Variants in CDH13 observed in about 807,000 individuals in gnomAD.
The protein encoded by CDH13 is cadherin 13.
A neutral mutation model predicts 63.8 loss-of-function variants in CDH13; 24 were observed. The ratio of observed to expected loss-of-function variants is 0.38; its 90% CI spans 0.27 to 0.53. CDH13 has a LOEUF of 0.53. Ranked by LOEUF, CDH13 falls within the 20% of genes least tolerant of loss-of-function variation. The probability of loss-of-function intolerance (pLI) is 0.85; values close to 1 mark genes in which losing one functional copy is unlikely to be tolerated. For synonymous variants in CDH13, 503 were observed against 355.3 expected, an observed-to-expected ratio of 1.42 and a Z score of -4.67; for missense variants, 1,049 against 903.1, an observed-to-expected ratio of 1.16 and a Z score of -2.07.
chr16:83,391,645 G>A (rs796577661), intron 6 of CDH13, among the ~76,000 whole-genome samples: 7 of 152,320 alleles, frequency 4.6e-5, no homozygotes, highest in African/African-American at 1.7e-4. Context: ...GGTCCCGCCA[G>A]AGTATCCTCA....
chr16:83,494,495 C>T (rs932671040), intron 7 of CDH13, among the ~76,000 whole-genome samples: 1 of 152,110 alleles, frequency 6.6e-6, no homozygotes, highest in African/African-American at 2.4e-5. Flanking sequence ...TGATTTCAAA[C>T]CAGCAGAGAA....
chr16:83,698,995 G>T (rs1208883517), intron 10 of CDH13, among the ~76,000 whole-genome samples: 1 of 152,236 alleles, frequency 6.6e-6, no homozygotes, highest in Non-Finnish European at 1.5e-5. Context: ...CAGCATTATG[G>T]TATCTTCATT....
chr16:83,423,493 TAA>T (rs35646257), intron 6 of CDH13, among the ~76,000 whole-genome samples: 1 of 146,414 alleles, frequency 6.8e-6, no homozygotes. Flanking sequence ...TGACAGCATT[TAA>T]AAAAAAAAAG....
intron 1 of CDH13, among the ~76,000 whole-genome samples, chr16:82,658,959 A>T (rs1244463197): frequency 6.6e-6 from 1 of 152,194 alleles, no homozygotes; most frequent in Non-Finnish European, 1.5e-5. Flanking sequence ...TTGTGAGCAT[A>T]GTTCCTAAAG....
intron 1 of CDH13, among the ~76,000 whole-genome samples, chr16:82,715,456 G>C (rs16958337): frequency 0.26 from 39,611 of 151,948 alleles, 5,279 homozygotes; most frequent in East Asian, 0.28. Context: ...TTGATCTTGA[G>C]ACCAGAGCTA....
chr16:82,796,464 T>G (rs2036586728), intron 1 of CDH13, among the ~76,000 whole-genome samples: 1 of 152,230 alleles, frequency 6.6e-6, no homozygotes, highest in Non-Finnish European at 1.5e-5. Flanking sequence ...CTAGGAGCTG[T>G]GATTTCAACA....
At chr16:82,836,806 C>T (rs929100055) in intron 1 of CDH13, among the ~76,000 whole-genome samples, 2 of 151,972 alleles carry the variant, frequency 1.3e-5, no homozygotes, top group Non-Finnish European at 2.9e-5. Flanking sequence ...TACCCATAGT[C>T]ATTCTAATCT....
chr16:83,192,067 G>T (rs1045245854), intron 4 of CDH13, among the ~76,000 whole-genome samples: 1 of 152,138 alleles, frequency 6.6e-6, no homozygotes, highest in Non-Finnish European at 1.5e-5. Flanking sequence ...AATCTGCACG[G>T]ATACTCGGTC....
At chr16:83,227,636 T>TA (rs1218990002) in intron 5 of CDH13, among the ~76,000 whole-genome samples, 1 of 152,140 alleles carries the variant, frequency 6.6e-6, no homozygotes, top group Non-Finnish European at 1.5e-5. Context: ...GAAATACGGA[T>TA]AACCTGTGAG....
chr16:82,802,172 C>T (rs1281339915), intron 1 of CDH13, among the ~76,000 whole-genome samples: 1 of 152,122 alleles, frequency 6.6e-6, no homozygotes, highest in Non-Finnish European at 1.5e-5. Flanking sequence ...TTCCACCTGC[C>T]AAGAGAGGAG....
intron 3 of CDH13, among the ~76,000 whole-genome samples, chr16:83,120,844 A>G (rs7198456): frequency 0.16 from 24,273 of 147,738 alleles, 4,294 homozygotes; most frequent in African/African-American, 0.45. Flanking sequence ...GCTCACTGCA[A>G]CTTCCATCTC....
chr16:82,810,105 A>T (rs2037366068), intron 1 of CDH13, among the ~76,000 whole-genome samples: 1 of 152,196 alleles, frequency 6.6e-6, no homozygotes, highest in African/African-American at 2.4e-5. Context: ...TCCATCATTG[A>T]TCGAAGTAAG....
chr16:82,840,876 G>A (rs1464728705), intron 1 of CDH13, among the ~76,000 whole-genome samples: 5 of 152,178 alleles, frequency 3.3e-5, no homozygotes, highest in Non-Finnish European at 7.3e-5. Context: ...TCCTATGAGT[G>A]TTGGTAGATG....
At chr16:83,766,103 T>C (rs1253130532) in intron 11 of CDH13, among the ~76,000 whole-genome samples, 4 of 152,190 alleles carry the variant, frequency 2.6e-5, no homozygotes, top group African/African-American at 9.7e-5. Context: ...TCAGGCTTCC[T>C]TGGGACACTA....
intron 5 of CDH13, among the ~76,000 whole-genome samples, chr16:83,220,774 G>A (rs1448712529): frequency 6.6e-6 from 1 of 151,680 alleles, no homozygotes; most frequent in Admixed American, 6.6e-5. Context: ...GCAAGTACGT[G>A]TTGATGTATT....
intron 1 of CDH13, among the ~76,000 whole-genome samples, chr16:82,844,088 T>C (rs1032824776): frequency 4.6e-5 from 7 of 152,194 alleles, no homozygotes; most frequent in Non-Finnish European, 7.3e-5. Context: ...TTTCAGAATG[T>C]GTCAAGGTTA....
At chr16:83,134,799 C>A (rs909733577) in intron 4 of CDH13, among the ~76,000 whole-genome samples, 3 of 152,138 alleles carry the variant, frequency 2.0e-5, no homozygotes, top group Non-Finnish European at 2.9e-5. Context: ...AAAACATAAT[C>A]GGGTGGTTTT....
intron 2 of CDH13, among the ~76,000 whole-genome samples, chr16:82,996,020 C>T (rs1040795563): frequency 3.9e-5 from 6 of 152,132 alleles, no homozygotes; most frequent in African/African-American, 7.2e-5. Context: ...GAGTTGCCAT[C>T]TTCCTGTTTT....
In CDH13 at chr16:83,486,483, C is replaced by T. The variant is rs1371692411; in HGVS notation, c.788C>T (p.Thr263Ile). The change falls in exon 7 of 14, where the codon ACA becomes ATA. Residue 263 changes from threonine (T) to isoleucine (I), a missense_variant. Thr to Ile is a moderately conservative substitution (Grantham distance 89). Coordinates refer to ENST00000567109, the MANE Select transcript of CDH13 (RefSeq NM_001257.5). ...TTCTGTCTTGCCCCGGTAGGCACCA[C>T]AGTGATGCGGATGACAGCCTTTGAT... Reference protein sequence around the residue: ...HVMEGSPTGTTVMRMTAFDAD... With the variant: ...HVMEGSPTGTIVMRMTAFDAD... 1.2e-6 allele frequency: 2 copies of T among 1,612,874 alleles called. No homozygotes were observed. Among genetic ancestry groups the T allele is most frequent in the Admixed American group, 1.7e-5 (1 of 60,002 alleles).
Sources: gnomAD v4.1 joint callset for allele counts (sites outside exome capture counted in the v4.1 genomes callset) on GRCh38, gnomAD v4.1.1 for gene constraint, MANE v1.5 for transcripts, NCBI Gene and HGNC (gene_info 2026-07-23, HGNC 2026-07-21) for gene names.